The following PSG11 variants were observed in gnomAD, a reference collection of about 807,000 sequenced individuals.
PSG11 encodes the protein pregnancy specific beta-1-glycoprotein 11.
In PSG11, 42 loss-of-function variants were observed where a neutral mutation model predicts 36.0. That is an observed-to-expected ratio of 1.17 (90% CI 0.91 to 1.51). The LOEUF is 1.51. PSG11 is among the 40% of genes most tolerant of loss of function. The probability of loss-of-function intolerance (pLI) is 0.00; values close to 1 mark genes in which losing one functional copy is unlikely to be tolerated. For synonymous variants in PSG11, 206 were observed against 153.5 expected, an observed-to-expected ratio of 1.34 and a Z score of -2.53; for missense variants, 558 against 403.5, an observed-to-expected ratio of 1.38 and a Z score of -3.28.
At position 43,018,918 on chromosome 19, in the gene PSG11, G is replaced by A. The variant is rs767136741; in HGVS notation, c.561C>T (p.Leu187=). 6 of 1,611,980 alleles carry A rather than the reference G, an allele frequency of 3.7e-6. No homozygotes were observed. The African/African-American group carries it at 6.7e-5, about 18-fold the overall frequency. The change falls in exon 3 of 6, where the codon CTC becomes CTT. Residue 187 remains leucine (L), a synonymous_variant. Coordinates refer to ENST00000320078, the MANE Select transcript of PSG11 (RefSeq NM_002785.3). ...SYLWWMNGQS[L]PMTHRMQLSE... ...ACAGCTGCATCCTATGAGTCATAGG[G>A]AGGCTCTGACCATTCATCCACCACA...
At chr19:43,009,781 G>A (rs1247690265) in intron 5 of PSG11, among the ~76,000 whole-genome samples, 177 bp downstream of exon 5, 1 of 151,238 alleles carries the variant, frequency 6.6e-6, no homozygotes, top group East Asian at 1.9e-4. Flanking sequence ...AGACAGTGGG[G>A]TACAGGGAGC....
At chr19:43,018,599 G>T in intron 3 of PSG11, 171 bp downstream of exon 3, 1 of 1,470,894 alleles carries the variant, frequency 6.8e-7, no homozygotes, top group Non-Finnish European at 9.3e-7. Context: ...TCCCACTGTG[G>T]ATCAAGCCTA....
Position 43,025,933 on chromosome 19 carries a change from T to TTC in PSG11, c.64+375_64+376insGA, listed in dbSNP as rs1967240366. ...CTTCTTTCCTTTTTTTTTTTTTTTTTCTCTTTTTTTTTTTTTTTTTTTTTT... is the reference window on the plus strand; with the variant it reads ...CTTCTTTCCTTTTTTTTTTTTTTTTTTCCTCTTTTTTTTTTTTTTTTTTTTTT... On this transcript the variant is annotated intron_variant, in intron 1 of 5. Coordinates refer to ENST00000320078, the MANE Select transcript of PSG11 (RefSeq NM_002785.3). Among the ~76,000 whole-genome samples the TTC allele has an allele frequency of 4.6e-5, 4 of 86,956 alleles. No individual in the cohort carries two copies. The East Asian group carries it at 2.0e-3, about 42-fold the overall frequency. The allele number at this position is 86,956 out of a possible 152,430, so 57.0% of individuals were successfully genotyped here. A position where few individuals can be genotyped will look rare whatever the true frequency, so the allele number is the denominator to read the frequency against.
At position 43,022,870 on chromosome 19, in the gene PSG11, G is replaced by C. The variant is rs534600225; in HGVS notation, c.430+1821C>G. On this transcript the variant is annotated intron_variant, in intron 2 of 5. Coordinates refer to ENST00000320078, the MANE Select transcript of PSG11 (RefSeq NM_002785.3). ...GGAGGTGGGCCAGGCCACAGTGTTA[G>C]CGGGAAGGGAATAGAACAGCCAGCC... 1.3e-3 allele frequency among the ~76,000 whole-genome samples: 202 copies of C among 150,674 alleles called. 4 individuals carry two copies. Among genetic ancestry groups the C allele is most frequent in the African/African-American group, 4.7e-3 (191 of 40,666 alleles).
chr19:43,019,782 C>G (rs1436765088), intron 2 of PSG11: 2 of 151,870 alleles, frequency 1.3e-5, no homozygotes, highest in African/African-American at 4.9e-5. Flanking sequence ...TGTTGTGGGT[C>G]TATGATGCTC....
Position 43,022,574 on chromosome 19 carries a change from T to G in PSG11, c.430+2117A>C, listed in dbSNP as rs1334208276. 3.3e-5 allele frequency among the ~76,000 whole-genome samples: 5 copies of G among 151,450 alleles called. No homozygotes were observed. In the East Asian group the frequency reaches 7.8e-4, roughly 24 times the overall value. On this transcript the variant is annotated intron_variant, in intron 2 of 5. Coordinates refer to ENST00000320078, the MANE Select transcript of PSG11 (RefSeq NM_002785.3). ...ACTTGGAGTCATTAAAATCTTTCTT[T>G]ACTAAAAATCACCATTTCAATAAAT... is the stretch of plus-strand genomic sequence containing the variant.
chr19:43,015,222 G>C lies in PSG11; in HGVS notation c.858C>G (p.Leu286=), dbSNP rs755825309. The C allele has an allele frequency of 6.2e-7, 1 of 1,611,526 alleles. No homozygotes were observed. Among genetic ancestry groups the C allele is most frequent in the East Asian group, 2.2e-5 (1 of 44,808 alleles). The stretch of plus-strand genomic sequence containing the variant: ...GCTTTGGAGTAATCTGAGGGATAAA[G>C]AGCTTTTGTCCTGATAGCTGAAACT... ...NGKFQLSGQK[L]FIPQITPKHN... is the part of the protein sequence containing the mutation. The change falls in exon 4 of 6, where the codon CTC becomes CTG. Residue 286 remains leucine (L), a synonymous_variant. Coordinates refer to ENST00000320078, the MANE Select transcript of PSG11 (RefSeq NM_002785.3).
chr19:43,024,866 G>A lies in PSG11; in HGVS notation c.255C>T (p.Asp85=), dbSNP rs138426313. 5.6e-5 allele frequency: 90 copies of A among 1,611,486 alleles called. 3 individuals are homozygous for A. The highest frequency in any genetic ancestry group is 3.3e-4 in the Middle Eastern group (2 of 6,076). ...LYHYITSYVV[D]GQIIIYGPAY... ...CCGGTCCATATATAATTATTTGACC[G>A]TCTACTACATATGATGTAATGTAAT... Residue 85 remains aspartate, a synonymous_variant, in exon 2 of 6, where the codon GAC becomes GAT. Coordinates refer to ENST00000320078, the MANE Select transcript of PSG11 (RefSeq NM_002785.3).
intron 2 of PSG11, 122 bp from the exon 3 acceptor site, chr19:43,019,170 C>T (rs975485902): frequency 4.1e-5 from 62 of 1,518,610 alleles, no homozygotes; most frequent in Non-Finnish European, 4.8e-5. Context: ...AAGCCCATGG[C>T]AGGTGTGTGT....
chr19:43,021,771 G>T (rs114726527), intron 2 of PSG11, among the ~76,000 whole-genome samples: 2,023 of 151,560 alleles, frequency 0.013, 119 homozygotes, highest in African/African-American at 0.045. Flanking sequence ...TCTCTAGGAA[G>T]TGATCAGAGA....
At chr19:43,011,498 A>G (rs1461232331) in intron 4 of PSG11, among the ~76,000 whole-genome samples, 9 of 151,422 alleles carry the variant, frequency 5.9e-5, no homozygotes, top group Non-Finnish European at 1.0e-4. Flanking sequence ...AATGAAACCA[A>G]AAGTTGATTC....
intron 2 of PSG11, among the ~76,000 whole-genome samples, chr19:43,023,085 T>C (rs950787277): frequency 1.3e-5 from 2 of 150,672 alleles, no homozygotes; most frequent in Admixed American, 6.6e-5. Context: ...CTGCCCCCAG[T>C]TCCACAGTCC....
At chr19:43,021,401 G>A (rs1307579614) in intron 2 of PSG11, among the ~76,000 whole-genome samples, 1 of 151,116 alleles carries the variant, frequency 6.6e-6, no homozygotes, top group Non-Finnish European at 1.5e-5. Context: ...TGCCAGGCTG[G>A]AGTGCAGTGG....
At position 43,015,130 on chromosome 19, in the gene PSG11, G is replaced by A; in HGVS notation, c.950C>T (p.Thr317Ile). Reference protein sequence around the residue: ...ATGEESSTSLTIRVIAPPGLG... With the variant: ...ATGEESSTSLIIRVIAPPGLG... ...GATCCACTTACCAATGACTCTGATTGTCAAGGATGTGGAGCTTTCCTCGCC... is the reference window on the plus strand; with the variant it reads ...GATCCACTTACCAATGACTCTGATTATCAAGGATGTGGAGCTTTCCTCGCC... The change falls in exon 4 of 6, where the codon ACA becomes ATA. Residue 317 changes from threonine (T) to isoleucine (I), a missense_variant. Thr to Ile is a moderately conservative substitution (Grantham distance 89). Coordinates refer to ENST00000320078, the MANE Select transcript of PSG11 (RefSeq NM_002785.3). 6.2e-7 allele frequency: 1 copy of A among 1,611,964 alleles called. No individual in the cohort carries two copies. Among genetic ancestry groups the A allele is most frequent in the Non-Finnish European group, 8.5e-7 (1 of 1,178,954 alleles).
intron 1 of PSG11, 51 bp from the exon 2 acceptor site, chr19:43,025,107 G>T: frequency 6.4e-7 from 1 of 1,569,860 alleles, no homozygotes; most frequent in African/African-American, 1.4e-5. Flanking sequence ...GTATTGGGGT[G>T]AAAAGATGGG....
At chr19:43,022,134 A>G (rs554762592) in intron 2 of PSG11, among the ~76,000 whole-genome samples, 1 of 151,686 alleles carries the variant, frequency 6.6e-6, no homozygotes, top group African/African-American at 2.4e-5. Context: ...AGATTATAAG[A>G]GGGAACTGAA....
At chr19:43,025,168 C>A in intron 1 of PSG11, 112 bp from the exon 2 acceptor site, 1 of 1,387,628 alleles carries the variant, frequency 7.2e-7, no homozygotes, top group Non-Finnish European at 9.8e-7. Context: ...AAGACACACA[C>A]ACACACACAC....
intron 2 of PSG11, among the ~76,000 whole-genome samples, chr19:43,024,105 G>C (rs938796331): frequency 1.3e-5 from 2 of 151,374 alleles, no homozygotes; most frequent in Non-Finnish European, 2.9e-5. Context: ...CTGAGTGTCA[G>C]GTGAAGAAAG....
Position 43,018,921 on chromosome 19 carries a change from G to C in PSG11, c.558C>G (p.Ser186Arg). The change falls in exon 3 of 6, where the codon AGC becomes AGG. Residue 186 changes from serine to arginine, a missense_variant. Physicochemically the swap from Ser to Arg is moderately radical, Grantham distance 110 (BLOSUM62 -1). Coordinates refer to ENST00000320078, the MANE Select transcript of PSG11 (RefSeq NM_002785.3). ...ASYLWWMNGQ[S>R]LPMTHRMQLS... ...GCTGCATCCTATGAGTCATAGGGAG[G>C]CTCTGACCATTCATCCACCACAGGT... 1 of 1,612,084 alleles carries C rather than the reference G, an allele frequency of 6.2e-7. No individual in the cohort carries two copies. The highest frequency in any genetic ancestry group is 8.5e-7 in the Non-Finnish European group (1 of 1,179,118).
Sources: allele counts gnomAD v4.1 joint callset (sites outside exome capture counted in the v4.1 genomes callset), GRCh38; gene constraint gnomAD v4.1.1; transcripts MANE v1.5; gene names NCBI Gene and HGNC (gene_info 2026-07-23, HGNC 2026-07-21).